GRID1: variants seen among roughly 807,000 people sequenced by gnomAD.
The protein encoded by GRID1 is glutamate ionotropic receptor delta type subunit 1, also known as glutamate receptor ionotropic, delta-1.
Under a neutral mutation model 98.0 loss-of-function variants are expected in GRID1, and 28 were observed. That is an observed-to-expected ratio of 0.29 (90% CI 0.21 to 0.39). The LOEUF (loss-of-function observed/expected upper bound fraction) is 0.39, where lower values mean the gene tolerates loss of function less well. GRID1 is among the 10% of genes least tolerant of loss of function. The pLI, the probability that GRID1 is intolerant of heterozygous loss-of-function variation, is 1.00. For synonymous variants in GRID1, 553 were observed against 538.5 expected (o/e 1.03, Z -0.37); for missense variants, 1,111 against 1,340.5 (o/e 0.83, Z 2.67).
chr10:86,017,903 G>C (rs530441036), intron 4 of GRID1, among the ~76,000 whole-genome samples: 2 of 152,200 alleles, frequency 1.3e-5, no homozygotes, highest in Non-Finnish European at 2.9e-5. Flanking sequence ...TAGTGCTCAC[G>C]TGTGTGGAGG....
At chr10:85,926,124 T>C (rs1221485164) in intron 4 of GRID1, among the ~76,000 whole-genome samples, 1 of 152,178 alleles carries the variant, frequency 6.6e-6, no homozygotes, top group Non-Finnish European at 1.5e-5. Flanking sequence ...AGGGAGGAAC[T>C]CCTGGCCCAG....
intron 8 of GRID1, among the ~76,000 whole-genome samples, chr10:85,801,212 A>G (rs910668505): frequency 2.6e-5 from 4 of 152,070 alleles, no homozygotes; most frequent in African/African-American, 9.6e-5. Flanking sequence ...AAACATGAAA[A>G]TTCTGTTAGC....
At position 86,145,844 on chromosome 10, in the gene GRID1, T is replaced by C. The variant is rs112232267; in HGVS notation, c.521-6820A>G. 7.7e-3 allele frequency among the ~76,000 whole-genome samples: 1,178 copies of C among 152,294 alleles called. 18 individuals carry two copies. Among genetic ancestry groups the C allele is most frequent in the African/African-American group, 0.027 (1,111 of 41,546 alleles). On this transcript the variant is annotated intron_variant, in intron 3 of 15. Transcript: ENST00000327946. Reference sequence around the variant, plus strand: ...AACAGTAAAAGTTTATGGAATCAAGTTGAACCACAGCGGGAACCTGCCTGA... The same window carrying C: ...AACAGTAAAAGTTTATGGAATCAAGCTGAACCACAGCGGGAACCTGCCTGA...
At chr10:85,678,317 A>G (rs1841168573) in intron 12 of GRID1, among the ~76,000 whole-genome samples, 1 of 152,170 alleles carries the variant, frequency 6.6e-6, no homozygotes, top group Non-Finnish European at 1.5e-5. Context: ...GATATCCTGA[A>G]GGAAAAGACC....
intron 2 of GRID1, among the ~76,000 whole-genome samples, chr10:86,331,115 C>T (rs1244273868): frequency 2.0e-5 from 3 of 152,230 alleles, no homozygotes; most frequent in East Asian, 1.9e-4. Flanking sequence ...GGAAGCCCAT[C>T]GCTGATCATC....
intron 2 of GRID1, among the ~76,000 whole-genome samples, chr10:86,278,837 A>G (rs185293772): frequency 2.9e-4 from 44 of 152,356 alleles, no homozygotes; most frequent in African/African-American, 9.6e-4. Flanking sequence ...GAATTCTACC[A>G]CATGTTTAAG....
At chr10:86,296,514 A>G (rs1011632796) in intron 2 of GRID1, among the ~76,000 whole-genome samples, 2 of 152,160 alleles carry the variant, frequency 1.3e-5, no homozygotes, top group Non-Finnish European at 2.9e-5. Flanking sequence ...TGAGGCAGGC[A>G]GATCACTTGA....
At chr10:85,897,931 A>G (rs1034495401) in intron 5 of GRID1, among the ~76,000 whole-genome samples, 1 of 152,126 alleles carries the variant, frequency 6.6e-6, no homozygotes, top group Admixed American at 6.5e-5. Flanking sequence ...CTCTGCTTCT[A>G]TAAGTTCAAC....
intron 15 of GRID1, chr10:85,605,675 G>A (rs1261555831): frequency 6.6e-6 from 1 of 152,220 alleles, no homozygotes; most frequent in Admixed American, 6.5e-5. Flanking sequence ...AGTTGATAGA[G>A]GGCCTGGCCT....
chr10:85,604,320 C>A (rs745853869), intron 15 of GRID1, among the ~76,000 whole-genome samples: 1 of 152,182 alleles, frequency 6.6e-6, no homozygotes, highest in South Asian at 2.1e-4. Flanking sequence ...ACCCATAGGA[C>A]AACTGACAAG....
At chr10:85,700,430 A>G (rs922625330) in intron 12 of GRID1, among the ~76,000 whole-genome samples, 1 of 152,122 alleles carries the variant, frequency 6.6e-6, no homozygotes, top group African/African-American at 2.4e-5. Context: ...TTCCAACCTG[A>G]GCCTCTGGGC....
intron 4 of GRID1, among the ~76,000 whole-genome samples, chr10:86,031,867 C>T (rs1843190279): frequency 6.6e-6 from 1 of 152,228 alleles, no homozygotes; most frequent in South Asian, 2.1e-4. Context: ...AAATACACCC[C>T]TGCTCAGAGT....
intron 2 of GRID1, among the ~76,000 whole-genome samples, chr10:86,356,401 A>G (rs1848534166): frequency 6.6e-6 from 1 of 152,244 alleles, no homozygotes; most frequent in Non-Finnish European, 1.5e-5. Context: ...AGTTGTTTCC[A>G]GTTCTCTCTG....
intron 12 of GRID1, among the ~76,000 whole-genome samples, chr10:85,708,403 C>CA (rs61626333): frequency 0.045 from 4,944 of 110,516 alleles, 171 homozygotes; most frequent in African/African-American, 0.11. Flanking sequence ...GACTCTGTCT[C>CA]AAAAAAAAAA....
chr10:86,353,335 C>T (rs981311837), intron 2 of GRID1, among the ~76,000 whole-genome samples: 1 of 152,250 alleles, frequency 6.6e-6, no homozygotes. Context: ...GAGCTCTGAG[C>T]AGCAGCTGGA....
rs143809779 is a variant in GRID1, at chr10:85,754,733, T to C, written c.1234-25119A>G. Reference sequence around the variant, plus strand: ...GAGAAAGACAACAAGGCATAATAAATAGAGGCTGGGTTTGGGGGTCAAACT... The same window carrying C: ...GAGAAAGACAACAAGGCATAATAAACAGAGGCTGGGTTTGGGGGTCAAACT... On this transcript the variant is annotated intron_variant, in intron 8 of 15. Transcript: ENST00000327946. 1.2e-4 allele frequency among the ~76,000 whole-genome samples: 19 copies of C among 152,262 alleles called. No individual in the cohort carries two copies. In the East Asian group the frequency reaches 3.1e-3, roughly 25 times the overall value.
chr10:85,715,003 T>C (rs1210315013), intron 12 of GRID1, among the ~76,000 whole-genome samples: 8 of 152,126 alleles, frequency 5.3e-5, no homozygotes, highest in Non-Finnish European at 8.8e-5. Context: ...GTATAGAGTA[T>C]AGTAATTAAA....
chr10:86,149,078 A>C (rs1367303630), intron 3 of GRID1, among the ~76,000 whole-genome samples: 2 of 152,244 alleles, frequency 1.3e-5, no homozygotes, highest in Non-Finnish European at 2.9e-5. Context: ...AAGGGCTCTC[A>C]AATGAGCAAA....
chr10:85,692,009 G>A (rs542391165), intron 12 of GRID1, among the ~76,000 whole-genome samples: 1 of 152,152 alleles, frequency 6.6e-6, no homozygotes, highest in Admixed American at 6.5e-5. Context: ...AGCTGCCAAT[G>A]GGGCAGCTTG....
Sources: gnomAD v4.1 joint callset for allele counts (sites outside exome capture counted in the v4.1 genomes callset) on GRCh38, gnomAD v4.1.1 for gene constraint, MANE v1.5 for transcripts, NCBI Gene and HGNC (gene_info 2026-07-23, HGNC 2026-07-21) for gene names.